The following PFKFB4 variants were observed in gnomAD, a reference collection of about 807,000 sequenced individuals.
The protein encoded by PFKFB4 is 6-phosphofructo-2-kinase/fructose-2,6-biphosphatase 4, also known as 6-phosphofructo-2-kinase/fructose-2,6-bisphosphatase 4.
In PFKFB4, 42 loss-of-function variants were observed where a neutral mutation model predicts 62.8. That is an observed-to-expected ratio of 0.67 (90% confidence interval 0.52 to 0.86). The LOEUF (loss-of-function observed/expected upper bound fraction) is 0.86. PFKFB4 is among the 40% of genes least tolerant of loss of function. PFKFB4 has a pLI of 0.00. For missense variants in PFKFB4, 475 were observed against 627.2 expected (o/e 0.76, Z 2.59); for synonymous variants, 204 against 240.7 (o/e 0.85, Z 1.41).
At chr3:48,550,286 A>T (rs1314180446) in intron 1 of PFKFB4, 52 bp from the exon 2 acceptor site, 4 of 1,166,460 alleles carry the variant, frequency 3.4e-6, no homozygotes, top group Non-Finnish European at 5.2e-6. Context: ...CTCCCAGCGC[A>T]CCCCTCCCTC....
In PFKFB4 at chr3:48,535,470, C is replaced by T. The variant is rs138856013; in HGVS notation, c.987+42G>A. The T allele has an allele frequency of 5.9e-5, 90 of 1,519,502 alleles. 1 individual carries two copies. The highest frequency in any genetic ancestry group is 2.6e-4 in the African/African-American group (19 of 72,978). The allele number at this position is 1,519,502 out of a possible 1,614,324, so 94.1% of individuals were successfully genotyped here. ...GTTACAATATGATGCAGCAGCCCTGCGGTATCTGGGAGGTAGACAGGGAGG... is the reference window on the plus strand; with the variant it reads ...GTTACAATATGATGCAGCAGCCCTGTGGTATCTGGGAGGTAGACAGGGAGG... On this transcript the variant is annotated intron_variant, in intron 9 of 13. Transcript: ENST00000232375.
Position 48,521,412 on chromosome 3 carries a change from C to T in PFKFB4, c.1350+574G>A, listed in dbSNP as rs908293988. 2.6e-5 allele frequency among the ~76,000 whole-genome samples: 4 copies of T among 152,218 alleles called. No homozygotes were observed. Among genetic ancestry groups the T allele is most frequent in the Non-Finnish European group, 5.9e-5 (4 of 68,034 alleles). On this transcript the variant is annotated intron_variant, in intron 13 of 13. Transcript: ENST00000232375. This position sits in a 1 kb window ranked among gnomAD's most constrained non-coding sequence, Gnocchi z 5.3. Reference sequence around the variant, plus strand: ...TACCTTCCACAAGGCACTTGGGGAGCACAGGTGGTGACTGCTTTTCTGGAC... The same window carrying T: ...TACCTTCCACAAGGCACTTGGGGAGTACAGGTGGTGACTGCTTTTCTGGAC...
upstream of PFKFB4, among the ~76,000 whole-genome samples, chr3:48,558,237 A>C (rs2043377501): frequency 6.6e-6 from 1 of 152,026 alleles, no homozygotes. Context: ...GGACTCCTGC[A>C]GTTTCCCGCC....
intron 13 of PFKFB4, among the ~76,000 whole-genome samples, chr3:48,520,695 G>C (rs956821847): frequency 3.9e-5 from 6 of 152,228 alleles, no homozygotes; most frequent in Admixed American, 6.5e-5. Flanking sequence ...TGCCCCAATG[G>C]ATGGGCCAGA....
At chr3:48,539,158 C>A (rs940292681) in intron 6 of PFKFB4, 96 bp downstream of exon 6, 4 of 920,060 alleles carry the variant, frequency 4.3e-6, no homozygotes, top group Non-Finnish European at 7.1e-6. Flanking sequence ...CTCCCTACCC[C>A]CACAAGGTTC....
chr3:48,523,328 G>C (rs1331278524), intron 12 of PFKFB4, among the ~76,000 whole-genome samples: 1 of 152,170 alleles, frequency 6.6e-6, no homozygotes, highest in Non-Finnish European at 1.5e-5. Context: ...AGGTTGTAGT[G>C]AGCCTAGATC....
At position 48,521,609 on chromosome 3, in the gene PFKFB4, G is replaced by C. The variant is rs1437633454; in HGVS notation, c.1350+377C>G. ...GTGCCCACCTGCCCTCAGAAGGCCA[G>C]AAGCCTCATTCTTAGCCTCCAGCCT... On this transcript the variant is annotated intron_variant, in intron 13 of 13. Coordinates refer to ENST00000232375, the MANE Select transcript of PFKFB4 (RefSeq NM_004567.4). The surrounding 1 kb of genome is among the most constrained non-coding windows in gnomAD (Gnocchi z 5.3). 2.0e-5 allele frequency among the ~76,000 whole-genome samples: 3 copies of C among 152,216 alleles called. No individual in the cohort carries two copies. The highest frequency in any genetic ancestry group is 2.9e-5 in the Non-Finnish European group (2 of 68,028).
upstream of PFKFB4, among the ~76,000 whole-genome samples, chr3:48,558,245 G>A (rs973739153): frequency 6.6e-6 from 1 of 151,650 alleles, no homozygotes; most frequent in African/African-American, 2.4e-5. Flanking sequence ...GCAGTTTCCC[G>A]CCTCCTCGGG....
Position 48,521,183 on chromosome 3 carries a change from G to A in PFKFB4, c.1350+803C>T, listed in dbSNP as rs2107442345. Among the ~76,000 whole-genome samples the A allele has an allele frequency of 6.6e-6, 1 of 152,306 alleles. No individual in the cohort carries two copies. Among genetic ancestry groups the A allele is most frequent in the East Asian group, 1.9e-4 (1 of 5,182 alleles). Reference sequence around the variant, plus strand: ...GACGTGCATCCTCAGCAGGGACCCAGAGCCCAAGCAGGCCCCATCATGGAT... The same window carrying A: ...GACGTGCATCCTCAGCAGGGACCCAAAGCCCAAGCAGGCCCCATCATGGAT... On this transcript the variant is annotated intron_variant, in intron 13 of 13. Transcript: ENST00000232375. The surrounding 1 kb of genome is among the most constrained non-coding windows in gnomAD (Gnocchi z 5.3).
At chr3:48,546,919 C>T (rs1265644153) in intron 3 of PFKFB4, among the ~76,000 whole-genome samples, 10 of 152,290 alleles carry the variant, frequency 6.6e-5, no homozygotes, top group African/African-American at 1.2e-4. Flanking sequence ...GAATTAAGTG[C>T]GTCCTGTGTG....
At chr3:48,560,941 C>T (rs1321902708), upstream of PFKFB4, 3 of 359,422 alleles carry the variant, frequency 8.3e-6, no homozygotes, top group Non-Finnish European at 1.3e-5. Flanking sequence ...CCTCAGAGCA[C>T]CCCTAAACCA....
At chr3:48,539,186 A>C (rs1252692975) in intron 6 of PFKFB4, 68 bp downstream of exon 6, 47 of 1,236,020 alleles carry the variant, frequency 3.8e-5, no homozygotes, top group Non-Finnish European at 5.0e-5. Context: ...AATTAAGGTT[A>C]GCCAAAACCT....
At chr3:48,526,836 G>A (rs996757439) in intron 9 of PFKFB4, among the ~76,000 whole-genome samples, 2 of 151,842 alleles carry the variant, frequency 1.3e-5, no homozygotes, top group East Asian at 3.9e-4. Context: ...AGCTACTTGG[G>A]AGGCTGAGGC....
intron 4 of PFKFB4, among the ~76,000 whole-genome samples, chr3:48,541,821 C>T (rs1316322111): frequency 6.6e-6 from 1 of 152,022 alleles, no homozygotes; most frequent in African/African-American, 2.4e-5. Flanking sequence ...CAAGAATTAG[C>T]CAAGCATGGT....
chr3:48,523,414 G>A, intron 12 of PFKFB4, 123 bp downstream of exon 12: 1 of 906,032 alleles, frequency 1.1e-6, no homozygotes, highest in South Asian at 1.5e-5. Flanking sequence ...GAAAGGTGGT[G>A]GGGTAGTAGG....
chr3:48,519,559 C>T lies in PFKFB4; in HGVS notation c.*188G>A, dbSNP rs938511074. The stretch of plus-strand genomic sequence containing the variant: ...TTAGCAGCAGGTCAGGAGCCACGCA[C>T]AACCTTGTCGCCGACTGTCAACAAA... On this transcript the variant is annotated 3_prime_UTR_variant, in exon 14 of 14. Transcript: ENST00000232375. The T allele has an allele frequency of 3.4e-6, 2 of 585,634 alleles. No homozygotes were observed. The highest frequency in any genetic ancestry group is 6.1e-6 in the Non-Finnish European group (2 of 325,802). The allele number at this position is 585,634 out of a possible 1,614,324, so 36.3% of individuals were successfully genotyped here. A position where few individuals can be genotyped will look rare whatever the true frequency, so the allele number is the denominator to read the frequency against.
chr3:48,527,302 GAC>G (rs1434475188), intron 9 of PFKFB4, among the ~76,000 whole-genome samples: 1 of 133,146 alleles, frequency 7.5e-6, no homozygotes, highest in East Asian at 2.2e-4. Context: ...TTTTTTTTGA[GAC>G]AGTCTTACTC....
rs1181056848 is a variant in PFKFB4 at position 48,556,568 on chromosome 3, C to A, written c.97+113G>T. ...CCCCAGTCACGGCAACCTCACCTGT[C>A]CCCGGTTCCCCATCTGTCTCCCGCC... On this transcript the variant is annotated intron_variant, in intron 1 of 13. Transcript: ENST00000232375. The surrounding 1 kb of genome is among the most constrained non-coding windows in gnomAD (Gnocchi z 5.7). The A allele has an allele frequency of 1.6e-6, 2 of 1,275,260 alleles. No individual in the cohort carries two copies. Among genetic ancestry groups the A allele is most frequent in the African/African-American group, 1.5e-5 (1 of 66,730 alleles). The allele number at this position is 1,275,260 out of a possible 1,614,324, so 79.0% of individuals were successfully genotyped here.
chr3:48,561,106 C>A, upstream of PFKFB4: 1 of 1,284,130 alleles, frequency 7.8e-7, no homozygotes, highest in African/African-American at 1.5e-5. The surrounding 1 kb of genome is among the most constrained non-coding windows in gnomAD (Gnocchi z 5.2). Flanking sequence ...CCTAACGAGC[C>A]TCTGTCCATC....
Sources: gnomAD v4.1 joint callset for allele counts (sites outside exome capture counted in the v4.1 genomes callset) on GRCh38, gnomAD v4.1.1 for gene constraint, Gnocchi (gnomAD v3.1) non-coding constraint, MANE v1.5 for transcripts, NCBI Gene and HGNC (gene_info 2026-07-23, HGNC 2026-07-21) for gene names.